TCF7L2: variants seen among roughly 807,000 people sequenced by gnomAD.
The protein encoded by TCF7L2 is transcription factor 7 like 2, also known as transcription factor 7-like 2.
In TCF7L2, 23 loss-of-function variants were observed where a neutral mutation model predicts 77.9. That is an observed-to-expected ratio of 0.30 (90% confidence interval 0.21 to 0.42). The LOEUF is 0.42. Ranked by LOEUF, TCF7L2 falls within the 10% of genes least tolerant of loss-of-function variation. The pLI is 1.00. For synonymous variants in TCF7L2, 413 were observed against 340.2 expected (o/e 1.21, Z -2.36); for missense variants, 654 against 793.1 (o/e 0.82, Z 2.11).
intron 5 of TCF7L2, among the ~76,000 whole-genome samples, chr10:113,109,611 G>A (rs972148372): frequency 3.9e-5 from 6 of 152,238 alleles, no homozygotes; most frequent in African/African-American, 1.4e-4. Flanking sequence ...GGCTGGTCTC[G>A]AACTCCTGAC....
At chr10:113,089,321 C>CT (rs1281784796) in intron 5 of TCF7L2, 3 of 1,497,406 alleles carry the variant, frequency 2.0e-6, no homozygotes, top group East Asian at 2.3e-5. Context: ...GAAAGGAAGG[C>CT]TGGGGGCTGT....
chr10:112,992,182 G>A (rs969944605), intron 4 of TCF7L2, among the ~76,000 whole-genome samples: 7 of 152,274 alleles, frequency 4.6e-5, no homozygotes, highest in East Asian at 3.9e-4. Context: ...GGGCAGAGGC[G>A]TGAGTGGTCT....
At chr10:113,016,349 G>A (rs1039255021) in intron 4 of TCF7L2, among the ~76,000 whole-genome samples, 1 of 152,208 alleles carries the variant, frequency 6.6e-6, no homozygotes, top group South Asian at 2.1e-4. Context: ...TTACAGGCAT[G>A]AGCCTGGCTG....
Position 113,151,881 on chromosome 10 carries a change from G to T in TCF7L2, c.1158G>T (p.Arg386=). The change falls in exon 10 of 14, where the codon CGG becomes CGT. Residue 386 remains arginine (R), a synonymous_variant. Coordinates refer to ENST00000627217, the MANE Select transcript of TCF7L2 (RefSeq NM_001146274.2). This position sits in a 1 kb window ranked among gnomAD's most constrained non-coding sequence, Gnocchi z 5.2. ...CGGCCATCAACCAGATCCTTGGGCG[G>T]AGGGTAGGTGACGCCCTTCTCAGGG... The T allele has an allele frequency of 6.3e-7, 1 of 1,599,526 alleles. No homozygotes were observed. Among genetic ancestry groups the T allele is most frequent in the Non-Finnish European group, 8.5e-7 (1 of 1,175,828 alleles).
chr10:113,161,694 C>T (rs761832279), intron 13 of TCF7L2: 22 of 1,368,554 alleles, frequency 1.6e-5, no homozygotes, highest in African/African-American at 2.9e-5. Flanking sequence ...CCATGTGCTC[C>T]GTGTTTAGAC....
chr10:112,980,057 T>C (rs2040195394), intron 4 of TCF7L2, among the ~76,000 whole-genome samples: 2 of 152,186 alleles, frequency 1.3e-5, no homozygotes, highest in East Asian at 3.8e-4. Flanking sequence ...GCTGAAAGAA[T>C]CATCTGTTGT....
chr10:113,095,450 C>G (rs550763113), intron 5 of TCF7L2, among the ~76,000 whole-genome samples: 3 of 152,262 alleles, frequency 2.0e-5, no homozygotes, highest in African/African-American at 7.2e-5. Flanking sequence ...GTCTTTTAGG[C>G]TAAATGAGCG....
intron 5 of TCF7L2, among the ~76,000 whole-genome samples, chr10:113,103,712 T>G (rs2061936003): frequency 6.6e-6 from 1 of 152,158 alleles, no homozygotes; most frequent in Non-Finnish European, 1.5e-5. Context: ...TAATGGTATG[T>G]CTTTTGTGCG....
chr10:113,111,527 C>T (rs1239293420), intron 5 of TCF7L2, among the ~76,000 whole-genome samples: 1 of 152,168 alleles, frequency 6.6e-6, no homozygotes, highest in African/African-American at 2.4e-5. Flanking sequence ...TGCGGTGGCT[C>T]ACGGCTGTAA....
chr10:112,954,601 A>G (rs1359381961), intron 3 of TCF7L2, among the ~76,000 whole-genome samples: 1 of 152,230 alleles, frequency 6.6e-6, no homozygotes, highest in Non-Finnish European at 1.5e-5. Flanking sequence ...AGTTAAGTAG[A>G]TGGGAAGTGT....
chr10:113,084,660 C>G (rs1266559435), intron 5 of TCF7L2, among the ~76,000 whole-genome samples: 1 of 152,018 alleles, frequency 6.6e-6, no homozygotes, highest in Admixed American at 6.6e-5. Context: ...TTTGGGAGGC[C>G]GAGGTGGGCG....
chr10:113,043,008 T>G (rs1214446815), intron 5 of TCF7L2, among the ~76,000 whole-genome samples: 1 of 152,240 alleles, frequency 6.6e-6, no homozygotes, highest in Non-Finnish European at 1.5e-5. Context: ...TAAGACATAG[T>G]CACATCACAG....
At chr10:113,004,536 AT>A (rs2045146118) in intron 4 of TCF7L2, among the ~76,000 whole-genome samples, 1 of 152,092 alleles carries the variant, frequency 6.6e-6, no homozygotes, top group Non-Finnish European at 1.5e-5. Context: ...CTTTTCAAAA[AT>A]TTTACTTTTT....
intron 5 of TCF7L2, among the ~76,000 whole-genome samples, chr10:113,108,038 G>T (rs918017539): frequency 6.7e-6 from 1 of 148,890 alleles, no homozygotes; most frequent in African/African-American, 2.5e-5. Context: ...TCTGTCGGCT[G>T]ACCTTCTTGG....
chr10:112,963,034 T>C (rs372595664), intron 3 of TCF7L2, among the ~76,000 whole-genome samples: 7 of 152,334 alleles, frequency 4.6e-5, no homozygotes, highest in African/African-American at 1.4e-4. Context: ...ACCTACTTCA[T>C]TGTGTCTCCT....
chr10:112,992,502 A>G (rs988091041), intron 4 of TCF7L2, among the ~76,000 whole-genome samples: 1 of 152,118 alleles, frequency 6.6e-6, no homozygotes, highest in Non-Finnish European at 1.5e-5. Context: ...ACATTTCTGG[A>G]ATCAAAAGGA....
intron 5 of TCF7L2, among the ~76,000 whole-genome samples, chr10:113,094,078 T>G (rs879261952): frequency 5.9e-5 from 9 of 152,074 alleles, no homozygotes; most frequent in Non-Finnish European, 1.2e-4. Context: ...TTTTTTGGGG[T>G]GTGTGTGCGC....
intron 4 of TCF7L2, among the ~76,000 whole-genome samples, chr10:112,970,184 G>GTA (rs1665454342): frequency 6.6e-6 from 1 of 152,060 alleles, no homozygotes; most frequent in African/African-American, 2.4e-5. Context: ...GTGTGTGTGT[G>GTA]TGCATGTGCG....
chr10:113,145,154 G>A (rs1286741034), intron 7 of TCF7L2, among the ~76,000 whole-genome samples: 1 of 150,734 alleles, frequency 6.6e-6, no homozygotes, highest in African/African-American at 2.4e-5. Flanking sequence ...GCATTATGTA[G>A]TAGCTGTACC....
Sources: gnomAD v4.1 joint callset for allele counts (sites outside exome capture counted in the v4.1 genomes callset) on GRCh38, gnomAD v4.1.1 for gene constraint, Gnocchi (gnomAD v3.1) non-coding constraint, MANE v1.5 for transcripts, NCBI Gene and HGNC (gene_info 2026-07-23, HGNC 2026-07-21) for gene names.